PTPRD: variants seen among roughly 807,000 people sequenced by gnomAD.
The protein encoded by PTPRD is receptor-type tyrosine-protein phosphatase delta.
Under a neutral mutation model 214.5 loss-of-function variants are expected in PTPRD, and 34 were observed. That is an observed-to-expected ratio of 0.16 (90% CI 0.12 to 0.21). The LOEUF (loss-of-function observed/expected upper bound fraction) is 0.21. Among genes scored for constraint, PTPRD ranks in the 10% least tolerant of loss-of-function variants. PTPRD has a pLI of 1.00. For missense variants in PTPRD, 2,545 were observed against 2,398.7 expected, an observed-to-expected ratio of 1.06 and a Z score of -1.27; for synonymous variants, 1,128 against 845.7, an observed-to-expected ratio of 1.33 and a Z score of -5.79.
chr9:8,961,308 C>T (rs539243922), intron 11 of PTPRD, among the ~76,000 whole-genome samples: 1 of 152,160 alleles, frequency 6.6e-6, no homozygotes, highest in African/African-American at 2.4e-5. Context: ...GAATTAGAAA[C>T]AAAAGTTGCA....
intron 4 of PTPRD, among the ~76,000 whole-genome samples, chr9:10,017,451 A>C (rs2096744425): frequency 6.6e-6 from 1 of 152,058 alleles, no homozygotes; most frequent in South Asian, 2.1e-4. Context: ...AAATGTATTA[A>C]TCTTTTCCTT....
At chr9:9,020,307 T>A (rs1458857592) in intron 10 of PTPRD, among the ~76,000 whole-genome samples, 1 of 152,036 alleles carries the variant, frequency 6.6e-6, no homozygotes, top group African/African-American at 2.4e-5. Flanking sequence ...TTAATGAGAG[T>A]TGGTACTCTT....
intron 3 of PTPRD, among the ~76,000 whole-genome samples, chr9:10,244,207 T>TA (rs956365383): frequency 2.6e-4 from 39 of 152,212 alleles, no homozygotes; most frequent in African/African-American, 7.7e-4. Context: ...CTTACAGTGT[T>TA]AGTCATTGTA....
At position 9,829,120 on chromosome 9, in the gene PTPRD, T is replaced by C. The variant is rs527425790; in HGVS notation, c.-367-62269A>G. Among the ~76,000 whole-genome samples the C allele has an allele frequency of 1.1e-4, 17 of 152,028 alleles. No homozygotes were observed. The South Asian group carries it at 3.3e-3, about 30-fold the overall frequency. ...CATTTATCTATGACTTTGCTATTTATATTTATAAGGCATACTAAAGAATAT... is the reference window on the plus strand; with the variant it reads ...CATTTATCTATGACTTTGCTATTTACATTTATAAGGCATACTAAAGAATAT... On this transcript the variant is annotated intron_variant, in intron 5 of 45. Transcript: ENST00000381196.
At chr9:10,126,052 GC>G (rs1281520937) in intron 3 of PTPRD, among the ~76,000 whole-genome samples, 2 of 152,004 alleles carry the variant, frequency 1.3e-5, no homozygotes, top group African/African-American at 4.8e-5. Context: ...TTTAATTTAG[GC>G]TTTCAAGCAA....
chr9:10,169,838 G>T (rs2099189397), intron 3 of PTPRD, among the ~76,000 whole-genome samples: 1 of 152,104 alleles, frequency 6.6e-6, no homozygotes, highest in Non-Finnish European at 1.5e-5. Context: ...AAAGAAATAA[G>T]AAAGTAAAAT....
intron 7 of PTPRD, among the ~76,000 whole-genome samples, chr9:9,711,925 C>A (rs1260205700): frequency 2.0e-5 from 3 of 152,148 alleles, no homozygotes; most frequent in African/African-American, 7.2e-5. Flanking sequence ...GGGTTGTTCA[C>A]TGGGAAAATA....
At position 10,107,049 on chromosome 9, in the gene PTPRD, G is replaced by A. The variant is rs556319931; in HGVS notation, c.-544-73259C>T. ...ATGACACTATGGGCTTGAGCCTGGG[G>A]AACTAGAAAATATGCAGAGCACTAA... is the stretch of plus-strand genomic sequence containing the variant. On this transcript the variant is annotated intron_variant, in intron 3 of 45. Coordinates refer to ENST00000381196, the MANE Select transcript of PTPRD (RefSeq NM_002839.4). Among the ~76,000 whole-genome samples the A allele has an allele frequency of 3.3e-5, 5 of 152,054 alleles. No homozygotes were observed. The South Asian group carries it at 8.3e-4, about 25-fold the overall frequency.
intron 3 of PTPRD, among the ~76,000 whole-genome samples, chr9:10,169,405 C>T (rs1012433832): frequency 2.2e-4 from 30 of 138,916 alleles, no homozygotes; most frequent in Admixed American, 4.7e-4. Flanking sequence ...ACCCCGGAGG[C>T]GGAGCTTGCA....
chr9:9,522,129 C>T (rs2096991860), intron 8 of PTPRD, among the ~76,000 whole-genome samples: 1 of 143,596 alleles, frequency 7.0e-6, no homozygotes, highest in African/African-American at 2.6e-5. Flanking sequence ...TGCACTCCAG[C>T]CTGAGCAACA....
At chr9:10,523,033 C>T (rs1430855633) in intron 2 of PTPRD, among the ~76,000 whole-genome samples, 1 of 151,944 alleles carries the variant, frequency 6.6e-6, no homozygotes, top group African/African-American at 2.4e-5. Flanking sequence ...ATTCCTCTTA[C>T]AGCCAAACAC....
At chr9:8,973,815 G>A (rs548827086) in intron 11 of PTPRD, among the ~76,000 whole-genome samples, 1 of 152,236 alleles carries the variant, frequency 6.6e-6, no homozygotes, top group Non-Finnish European at 1.5e-5. Context: ...CTGATGATTA[G>A]TGATGTAGAG....
intron 10 of PTPRD, among the ~76,000 whole-genome samples, chr9:9,169,267 C>T (rs2099909936): frequency 6.6e-6 from 1 of 152,058 alleles, no homozygotes; most frequent in Non-Finnish European, 1.5e-5. Flanking sequence ...ATATAAAGGT[C>T]ATACTACAAA....
At chr9:10,169,657 G>C (rs1355313541) in intron 3 of PTPRD, among the ~76,000 whole-genome samples, 7 of 152,084 alleles carry the variant, frequency 4.6e-5, no homozygotes. Context: ...CTAATCTTGA[G>C]TGTGGCTTTT....
At chr9:9,283,129 T>C (rs62535765) in intron 9 of PTPRD, among the ~76,000 whole-genome samples, 19,774 of 137,190 alleles carry the variant, frequency 0.14, 1,640 homozygotes, top group Middle Eastern at 0.25. Context: ...CTTTGCTTCA[T>C]TTCCTTTTTA....
At chr9:9,083,051 C>G (rs750549070) in intron 10 of PTPRD, among the ~76,000 whole-genome samples, 16 of 152,050 alleles carry the variant, frequency 1.1e-4, no homozygotes, top group Non-Finnish European at 1.8e-4. Flanking sequence ...GAAAAAACTA[C>G]CTTAAATTTC....
At chr9:8,972,066 A>C (rs191111791) in intron 11 of PTPRD, among the ~76,000 whole-genome samples, 1 of 151,940 alleles carries the variant, frequency 6.6e-6, no homozygotes, top group Admixed American at 6.6e-5. Flanking sequence ...AAGATATTTA[A>C]ATGGCCTAAC....
At chr9:9,299,229 G>C (rs915600380) in intron 9 of PTPRD, among the ~76,000 whole-genome samples, 8 of 151,728 alleles carry the variant, frequency 5.3e-5, no homozygotes, top group Admixed American at 1.3e-4. Context: ...TTCAATATTA[G>C]TTAATTAGTG....
chr9:9,039,680 G>C (rs1460440586), intron 10 of PTPRD, among the ~76,000 whole-genome samples: 1 of 152,136 alleles, frequency 6.6e-6, no homozygotes, highest in Admixed American at 6.5e-5. Flanking sequence ...TGATAATTCA[G>C]CCAACTTGCC....
Sources: gnomAD v4.1 joint callset for allele counts (sites outside exome capture counted in the v4.1 genomes callset) on GRCh38, gnomAD v4.1.1 for gene constraint, MANE v1.5 for transcripts, NCBI Gene and HGNC (gene_info 2026-07-23, HGNC 2026-07-21) for gene names.